DAAM1: variants seen among roughly 807,000 people sequenced by gnomAD.
DAAM1 encodes disheveled-associated activator of morphogenesis 1.
In DAAM1, 52 loss-of-function variants were observed where a neutral mutation model predicts 130.0. The ratio of observed to expected loss-of-function variants is 0.40; its 90% CI spans 0.32 to 0.50. DAAM1 has a LOEUF of 0.50. Ranked by LOEUF, DAAM1 falls within the 20% of genes least tolerant of loss-of-function variation. The pLI is 0.61. For missense variants in DAAM1, 1,134 were observed against 1,303.8 expected, an observed-to-expected ratio of 0.87 and a Z score of 2.01; for synonymous variants, 452 against 444.5, an observed-to-expected ratio of 1.02 and a Z score of -0.21.
intron 2 of DAAM1, among the ~76,000 whole-genome samples, chr14:59,270,833 T>G (rs1290531695): frequency 1.3e-5 from 2 of 152,164 alleles, no homozygotes; most frequent in African/African-American, 4.8e-5. Flanking sequence ...ACCCTCAGCT[T>G]TTTTAATGGG....
At chr14:59,260,187 T>C (rs1489928651) in intron 1 of DAAM1, among the ~76,000 whole-genome samples, 1 of 152,224 alleles carries the variant, frequency 6.6e-6, no homozygotes, top group Non-Finnish European at 1.5e-5. Context: ...TTAACCTAAC[T>C]TGGATATTTT....
chr14:59,282,388 A>G (rs1189898993), intron 2 of DAAM1, among the ~76,000 whole-genome samples: 2 of 152,200 alleles, frequency 1.3e-5, no homozygotes, highest in African/African-American at 4.8e-5. Context: ...GATGACTATC[A>G]GGAATATATG....
intron 2 of DAAM1, chr14:59,264,437 T>C (rs1001350710): frequency 2.0e-5 from 3 of 152,182 alleles, no homozygotes; most frequent in African/African-American, 2.4e-5. Flanking sequence ...TCTTCATAAT[T>C]GTAAAAAATC....
chr14:59,339,061 T>A (rs1423480344), intron 15 of DAAM1, among the ~76,000 whole-genome samples: 1 of 152,200 alleles, frequency 6.6e-6, no homozygotes, highest in African/African-American at 2.4e-5. Flanking sequence ...CTCCATAAAT[T>A]CACGAGGCTT....
chr14:59,189,834 C>T (rs935855525), intron 1 of DAAM1, among the ~76,000 whole-genome samples: 4 of 152,168 alleles, frequency 2.6e-5, no homozygotes, highest in African/African-American at 7.2e-5. Flanking sequence ...AAGTTGTTCA[C>T]GGCCTGGCTT....
chr14:59,229,736 T>G (rs1446396304), intron 1 of DAAM1, among the ~76,000 whole-genome samples: 1 of 152,220 alleles, frequency 6.6e-6, no homozygotes, highest in Non-Finnish European at 1.5e-5. Flanking sequence ...TTGGTTGAAA[T>G]TAAGTAGAAG....
At chr14:59,290,415 G>A (rs1883693446) in intron 2 of DAAM1, among the ~76,000 whole-genome samples, 1 of 152,138 alleles carries the variant, frequency 6.6e-6, no homozygotes, top group Non-Finnish European at 1.5e-5. Context: ...TAACTGATGT[G>A]GCCAATCTTC....
intron 3 of DAAM1, among the ~76,000 whole-genome samples, chr14:59,309,990 C>T (rs1884518522): frequency 6.6e-6 from 1 of 152,080 alleles, no homozygotes; most frequent in Non-Finnish European, 1.5e-5. Flanking sequence ...CCTATCTGCC[C>T]TTTTCTGCCT....
Position 59,359,496 on chromosome 14 carries a change from G to A in DAAM1, c.2625G>A (p.Ala875=), listed in dbSNP as rs372820007. Residue 875 remains alanine, a synonymous_variant, in exon 21 of 25, where the codon GCG becomes GCA. Transcript: ENST00000360909. ...NEELRDIPQA[A]KVNMTELDKE... ...AATTGCGAGATATTCCTCAAGCTGC[G>A]AAAGTAAAGTAAGTACTTACAGTGA... is the stretch of plus-strand genomic sequence containing the variant. 8.9e-5 allele frequency: 143 copies of A among 1,611,960 alleles called. No homozygotes were observed. The highest frequency in any genetic ancestry group is 3.3e-4 in the Middle Eastern group (2 of 6,076).
chr14:59,197,451 C>G (rs138780960), intron 1 of DAAM1, among the ~76,000 whole-genome samples: 1 of 152,122 alleles, frequency 6.6e-6, no homozygotes, highest in Non-Finnish European at 1.5e-5. Context: ...TGAGACTGAC[C>G]GCACCATGTT....
At chr14:59,221,857 G>T (rs569962628) in intron 1 of DAAM1, among the ~76,000 whole-genome samples, 30 of 152,342 alleles carry the variant, frequency 2.0e-4, no homozygotes, top group Non-Finnish European at 4.1e-4. Flanking sequence ...ACTAAGGCCA[G>T]CAGAGCATAA....
chr14:59,297,904 C>A (rs901146372), intron 3 of DAAM1, among the ~76,000 whole-genome samples: 2 of 151,864 alleles, frequency 1.3e-5, no homozygotes, highest in African/African-American at 4.8e-5. Flanking sequence ...AGAATGTATC[C>A]CCCATAGATA....
intron 1 of DAAM1, among the ~76,000 whole-genome samples, chr14:59,236,683 C>A (rs997500859): frequency 1.3e-5 from 2 of 152,090 alleles, no homozygotes; most frequent in Non-Finnish European, 2.9e-5. Context: ...TTGTCTGTCT[C>A]CTCTCACTAA....
rs1348701449 is a variant in DAAM1 at position 59,263,752 on chromosome 14, C to T, written c.183+92C>T. On this transcript the variant is annotated intron_variant, in intron 2 of 24. Transcript: ENST00000360909. ...ATGAGTTGGTTTGGTTTGACATGGA[C>T]TTTTCCTTTTCAGTGAAATGGCCCC... 4.0e-6 allele frequency: 6 copies of T among 1,511,338 alleles called. No homozygotes were observed. The Admixed American group carries it at 1.1e-4, about 28-fold the overall frequency. 93.6% of individuals were successfully genotyped at this position (1,511,338 alleles called of 1,614,324 possible).
rs144620218 is a variant in DAAM1, at chr14:59,281,216, C to T, written c.184-10001C>T. Among the ~76,000 whole-genome samples the T allele has an allele frequency of 1.2e-3, 190 of 152,282 alleles. 4 individuals are homozygous for T. The East Asian group carries it at 0.025, about 20-fold the overall frequency. On this transcript the variant is annotated intron_variant, in intron 2 of 24. Coordinates refer to ENST00000360909, the MANE Select transcript of DAAM1 (RefSeq NM_001270520.2). The stretch of plus-strand genomic sequence containing the variant: ...CCAGGAGGACATATCAAAAGTATGC[C>T]GGCTTGGCCACTTTTACAACTTATT...
intron 2 of DAAM1, among the ~76,000 whole-genome samples, chr14:59,289,767 G>GATAGATATATATATATATATATATATAT (rs375183979): frequency 8.2e-5 from 9 of 110,258 alleles, no homozygotes; most frequent in Admixed American, 2.7e-4. Context: ...AACAAAATGT[G>GATAGATATATATATATATATATATATAT]ATATATATAT....
intron 1 of DAAM1, among the ~76,000 whole-genome samples, chr14:59,248,485 C>T (rs1244062706): frequency 1.4e-4 from 21 of 152,048 alleles, no homozygotes; most frequent in Non-Finnish European, 2.9e-4. Flanking sequence ...AATAACTTCC[C>T]AAGGATATTT....
intron 3 of DAAM1, among the ~76,000 whole-genome samples, chr14:59,299,560 T>C (rs1241222722): frequency 6.6e-6 from 1 of 152,084 alleles, no homozygotes; most frequent in Non-Finnish European, 1.5e-5. Flanking sequence ...TTTTCTTGAG[T>C]GATGTTGATG....
At chr14:59,247,589 A>G (rs982260290) in intron 1 of DAAM1, among the ~76,000 whole-genome samples, 1 of 152,106 alleles carries the variant, frequency 6.6e-6, no homozygotes, top group African/African-American at 2.4e-5. Flanking sequence ...CAAGCTTTTC[A>G]CCTTCTTGGT....
Sources: gnomAD v4.1 joint callset for allele counts (sites outside exome capture counted in the v4.1 genomes callset) on GRCh38, gnomAD v4.1.1 for gene constraint, MANE v1.5 for transcripts, NCBI Gene and HGNC (gene_info 2026-07-23, HGNC 2026-07-21) for gene names.